SNX14: variants seen among roughly 807,000 people sequenced by gnomAD.
The protein encoded by SNX14 is sorting nexin 14.
Under a neutral mutation model 133.8 loss-of-function variants are expected in SNX14, and 93 were observed. That is an observed-to-expected ratio of 0.70 (90% CI 0.59 to 0.83). The LOEUF (loss-of-function observed/expected upper bound fraction) is 0.83. Among genes scored for constraint, SNX14 ranks in the 40% least tolerant of loss-of-function variants. The pLI, the probability that SNX14 is intolerant of heterozygous loss-of-function variation, is 0.00. For missense variants in SNX14, 945 were observed against 1,094.9 expected (o/e 0.86, Z 1.93); for synonymous variants, 368 against 365.6 (o/e 1.01, Z -0.07).
At chr6:85,511,281 G>C (rs1201771755) in intron 26 of SNX14, among the ~76,000 whole-genome samples, 2 of 152,052 alleles carry the variant, frequency 1.3e-5, no homozygotes, top group East Asian at 3.9e-4. Context: ...TACCACCCTG[G>C]TAAAATTGCT....
intron 1 of SNX14, among the ~76,000 whole-genome samples, chr6:85,584,527 A>G (rs1800035819): frequency 6.6e-6 from 1 of 152,244 alleles, no homozygotes; most frequent in Admixed American, 6.5e-5. Flanking sequence ...TCCAGAATCT[A>G]CAAGGAAGTT....
intron 15 of SNX14, among the ~76,000 whole-genome samples, chr6:85,539,074 T>A (rs1342712977): frequency 6.6e-6 from 1 of 152,224 alleles, no homozygotes; most frequent in African/African-American, 2.4e-5. Flanking sequence ...TGTGTTTGGA[T>A]GAAGTCTACA....
At position 85,511,536 on chromosome 6, in the gene SNX14, G is replaced by A. The variant is rs112436061; in HGVS notation, c.2653+2264C>T. Among the ~76,000 whole-genome samples, 158 of 152,306 alleles carry A rather than the reference G, an allele frequency of 1.0e-3. 1 individual carries two copies. Among genetic ancestry groups the A allele is most frequent in the African/African-American group, 3.5e-3 (147 of 41,564 alleles). The stretch of plus-strand genomic sequence containing the variant: ...TCATCAAGTGTGATGTTAGCTATAG[G>A]TGTTTTTGTAGATATTCTTTATCAA... On this transcript the variant is annotated intron_variant, in intron 26 of 28. Transcript: ENST00000314673.
chr6:85,515,193 G>A (rs774508402), intron 23 of SNX14, among the ~76,000 whole-genome samples: 3 of 149,170 alleles, frequency 2.0e-5, no homozygotes, highest in Non-Finnish European at 4.4e-5. Flanking sequence ...TTTGAACCTG[G>A]GAGCCAGAGG....
intron 7 of SNX14, among the ~76,000 whole-genome samples, chr6:85,552,240 T>G (rs557884855): frequency 3.3e-5 from 5 of 151,662 alleles, no homozygotes; most frequent in Non-Finnish European, 7.4e-5. Flanking sequence ...GTTTCACCGT[T>G]TTAGCCGGGA....
intron 1 of SNX14, among the ~76,000 whole-genome samples, chr6:85,584,998 C>G (rs954934466): frequency 2.0e-5 from 3 of 152,106 alleles, no homozygotes; most frequent in African/African-American, 7.2e-5. Context: ...TGGAACCAAC[C>G]GAAATGCCCA....
chr6:85,590,775 A>C (rs1802523197), intron 1 of SNX14, among the ~76,000 whole-genome samples: 1 of 152,234 alleles, frequency 6.6e-6, no homozygotes. Context: ...CTAAATTTTC[A>C]ATAAAACATG....
At chr6:85,519,639 G>T (rs1032784893) in intron 21 of SNX14, among the ~76,000 whole-genome samples, 1 of 152,192 alleles carries the variant, frequency 6.6e-6, no homozygotes, top group African/African-American at 2.4e-5. Context: ...GGGAGGCCGA[G>T]GCGGGCGGAT....
chr6:85,534,223 T>G (rs2128011203), intron 17 of SNX14, among the ~76,000 whole-genome samples: 1 of 152,312 alleles, frequency 6.6e-6, no homozygotes, highest in Non-Finnish European at 1.5e-5. Flanking sequence ...CCCAGCACTT[T>G]GGGAGGCCAA....
At position 85,543,672 on chromosome 6, in the gene SNX14, T is replaced by C. The variant is rs768059492; in HGVS notation, c.1197A>G (p.Thr399=). The C allele has an allele frequency of 1.3e-6, 2 of 1,588,296 alleles. No individual in the cohort carries two copies. The highest frequency in any genetic ancestry group is 2.3e-5 in the South Asian group (2 of 86,526). The change falls in exon 13 of 29, where the codon ACA becomes ACG. Residue 399 remains threonine (T), a synonymous_variant. Coordinates refer to ENST00000314673, the MANE Select transcript of SNX14 (RefSeq NM_153816.6). ...TGTCAATACTTTCATCCAAACAGTA[T>C]GTTTTATAAATCTTCTGCAATTCTT... ...LHEELQKIYK[T]YCLDESIDKI... is the part of the protein sequence containing the mutation.
At chr6:85,580,326 A>C in intron 1 of SNX14, among the ~76,000 whole-genome samples, 1 of 152,176 alleles carries the variant, frequency 6.6e-6, no homozygotes, top group East Asian at 1.9e-4. Flanking sequence ...GGACTGAATA[A>C]AACAGCAGCA....
chr6:85,575,107 A>G (rs1405318290), intron 1 of SNX14, among the ~76,000 whole-genome samples: 1 of 152,228 alleles, frequency 6.6e-6, no homozygotes, highest in Non-Finnish European at 1.5e-5. Context: ...GTGTGAGCAC[A>G]CTTCCAAGGA....
intron 26 of SNX14, among the ~76,000 whole-genome samples, chr6:85,509,756 A>G (rs780275404): frequency 6.6e-6 from 1 of 152,130 alleles, no homozygotes; most frequent in Non-Finnish European, 1.5e-5. Flanking sequence ...ATAGATGATG[A>G]TATGTAACCA....
At chr6:85,516,828 G>A (rs1775214638) in intron 23 of SNX14, among the ~76,000 whole-genome samples, 1 of 152,002 alleles carries the variant, frequency 6.6e-6, no homozygotes, top group Non-Finnish European at 1.5e-5. Context: ...AGTAGAGGCA[G>A]GGTTTCACCA....
chr6:85,506,025 AT>A lies in SNX14; in HGVS notation c.2803-21del. The A allele has an allele frequency of 6.6e-7, 1 of 1,517,958 alleles. No homozygotes were observed. The highest frequency in any genetic ancestry group is 9.1e-7 in the Non-Finnish European group (1 of 1,093,624). The allele number at this position is 1,517,958 out of a possible 1,614,324, so 94.0% of individuals were successfully genotyped here. Reference sequence around the variant, plus strand: ...TTGTACCTAAAGTAAAAATAAATCCATTTAATAGAAGACAAGACACAGGTTC... The same window carrying A: ...TTGTACCTAAAGTAAAAATAAATCCATTAATAGAAGACAAGACACAGGTTC... On this transcript the variant is annotated intron_variant, in intron 28 of 28. Transcript: ENST00000314673.
At chr6:85,572,075 C>T in intron 4 of SNX14, 62 bp downstream of exon 4, 5 of 1,417,990 alleles carry the variant, frequency 3.5e-6, no homozygotes, top group East Asian at 2.3e-5. Flanking sequence ...ATTAAAAATT[C>T]TGGAAAATTT....
At position 85,577,244 on chromosome 6, in the gene SNX14, T is replaced by C. The variant is rs917994901; in HGVS notation, c.141-2866A>G. ...GCCTGGCCAACATGGTGAAACCGCATCTCTACTAAAAATAAAAATAAAAAT... is the reference window on the plus strand; with the variant it reads ...GCCTGGCCAACATGGTGAAACCGCACCTCTACTAAAAATAAAAATAAAAAT... On this transcript the variant is annotated intron_variant, in intron 1 of 28. Transcript: ENST00000314673. Among the ~76,000 whole-genome samples the C allele has an allele frequency of 3.9e-4, 59 of 151,918 alleles. 1 individual carries two copies. The highest frequency in any genetic ancestry group is 1.4e-3 in the African/African-American group (58 of 41,348).
chr6:85,577,491 A>G (rs545818672), intron 1 of SNX14, among the ~76,000 whole-genome samples: 30 of 152,114 alleles, frequency 2.0e-4, no homozygotes, highest in Non-Finnish European at 3.7e-4. Flanking sequence ...TAAGTTTCAG[A>G]TATTTTAAAA....
chr6:85,508,389 A>C, intron 26 of SNX14: 6 of 1,007,636 alleles, frequency 6.0e-6, no homozygotes, highest in Non-Finnish European at 6.0e-6. Flanking sequence ...CTAAGGGAAA[A>C]CAAAACAAAT....
Sources: allele counts gnomAD v4.1 joint callset (sites outside exome capture counted in the v4.1 genomes callset), GRCh38; gene constraint gnomAD v4.1.1; transcripts MANE v1.5; gene names NCBI Gene and HGNC (gene_info 2026-07-23, HGNC 2026-07-21).